Variants in MACROD2 observed in about 807,000 individuals in gnomAD.
MACROD2 encodes ADP-ribose glycohydrolase MACROD2.
Under a neutral mutation model 70.4 loss-of-function variants are expected in MACROD2, and 36 were observed. The ratio of observed to expected loss-of-function variants is 0.51; its 90% CI spans 0.39 to 0.68. The LOEUF (loss-of-function observed/expected upper bound fraction) is 0.68, where lower values mean the gene tolerates loss of function less well. MACROD2 is among the 30% of genes least tolerant of loss of function. The pLI is 0.00. For synonymous variants in MACROD2, 172 were observed against 178.8 expected (o/e 0.96, Z 0.30); for missense variants, 496 against 538.4 (o/e 0.92, Z 0.78).
intron 10 of MACROD2, among the ~76,000 whole-genome samples, chr20:15,904,408 C>G (rs1430617500): frequency 1.3e-5 from 2 of 152,184 alleles, no homozygotes; most frequent in Non-Finnish European, 2.9e-5. Context: ...AAAATATTGA[C>G]AAACAAGATA....
intron 5 of MACROD2, among the ~76,000 whole-genome samples, chr20:14,738,699 A>G (rs1458285966): frequency 6.6e-6 from 1 of 151,802 alleles, no homozygotes; most frequent in Non-Finnish European, 1.5e-5. Context: ...ATATATTAAC[A>G]TATAATCTAT....
At chr20:14,795,164 T>G (rs2072496064) in intron 5 of MACROD2, among the ~76,000 whole-genome samples, 1 of 152,060 alleles carries the variant, frequency 6.6e-6, no homozygotes, top group Non-Finnish European at 1.5e-5. Flanking sequence ...TAGGGCCCAG[T>G]AAACAGTTGG....
At chr20:14,758,479 A>G (rs2071971782) in intron 5 of MACROD2, among the ~76,000 whole-genome samples, 1 of 152,192 alleles carries the variant, frequency 6.6e-6, no homozygotes, top group Non-Finnish European at 1.5e-5. Context: ...GGTAATGCTC[A>G]GTACATTTCA....
chr20:14,849,996 A>C, intron 5 of MACROD2: 1 of 517,832 alleles, frequency 1.9e-6, no homozygotes, highest in South Asian at 1.4e-5. Context: ...AAATCTACCA[A>C]AGATTAAGTA....
intron 4 of MACROD2, among the ~76,000 whole-genome samples, chr20:14,568,253 G>A (rs1476759768): frequency 6.6e-6 from 1 of 151,990 alleles, no homozygotes. Flanking sequence ...ATATATTCAG[G>A]TTAGAGTTTG....
At chr20:14,474,324 T>G (rs1419091848) in intron 3 of MACROD2, among the ~76,000 whole-genome samples, 1 of 152,206 alleles carries the variant, frequency 6.6e-6, no homozygotes, top group African/African-American at 2.4e-5. Flanking sequence ...TATTTCATTG[T>G]GGCCAGAAAT....
intron 3 of MACROD2, among the ~76,000 whole-genome samples, chr20:14,218,739 A>G (rs1371757107): frequency 6.6e-6 from 1 of 152,142 alleles, no homozygotes; most frequent in Non-Finnish European, 1.5e-5. Context: ...GTAATGGCAA[A>G]TTCTCTCAGC....
At chr20:14,752,083 C>CTTT (rs11482637) in intron 5 of MACROD2, among the ~76,000 whole-genome samples, 4 of 126,848 alleles carry the variant, frequency 3.2e-5, no homozygotes, top group African/African-American at 8.8e-5. Flanking sequence ...ATCTCCTCAT[C>CTTT]TTTTTTTTTT....
Position 14,002,306 on chromosome 20 carries a change from C to T in MACROD2, c.65C>T (p.Thr22Ile). ...REEKERLLKM[T>I]LEERRKEYLR... ...TTGCAAGAACGTTTATTGAAGATGA[C>T]CTTAGAAGAGAGACGCAAAGAATAC... The change falls in exon 2 of 18, where the codon ACC becomes ATC. Residue 22 changes from threonine to isoleucine, a missense_variant. Coordinates refer to ENST00000684519, the MANE Select transcript of MACROD2 (RefSeq NM_001351661.2). 6.2e-7 allele frequency: 1 copy of T among 1,604,450 alleles called. No homozygotes were observed. The highest frequency in any genetic ancestry group is 1.3e-5 in the African/African-American group (1 of 74,496).
intron 6 of MACROD2, among the ~76,000 whole-genome samples, chr20:15,273,894 T>G (rs1317382174): frequency 6.6e-6 from 1 of 152,236 alleles, no homozygotes; most frequent in African/African-American, 2.4e-5. Flanking sequence ...CTGGAAATAC[T>G]AATACCTACC....
chr20:15,378,489 C>G (rs186342642), intron 6 of MACROD2, among the ~76,000 whole-genome samples: 3 of 151,894 alleles, frequency 2.0e-5, no homozygotes, highest in Non-Finnish European at 4.4e-5. Flanking sequence ...AAGATACTGA[C>G]GATTATAATA....
At chr20:15,901,233 C>T (rs1439192703) in intron 10 of MACROD2, among the ~76,000 whole-genome samples, 7 of 152,146 alleles carry the variant, frequency 4.6e-5, no homozygotes, top group Non-Finnish European at 1.0e-4. Flanking sequence ...GACTTTCTTC[C>T]AGTCTGTCTT....
At chr20:14,178,171 T>C (rs1302215446) in intron 3 of MACROD2, among the ~76,000 whole-genome samples, 1 of 151,966 alleles carries the variant, frequency 6.6e-6, no homozygotes, top group Non-Finnish European at 1.5e-5. Context: ...CTCTTAAAAA[T>C]GAAGAGGCAA....
chr20:15,805,438 G>C (rs942572283), intron 8 of MACROD2, among the ~76,000 whole-genome samples: 38 of 151,964 alleles, frequency 2.5e-4, no homozygotes, highest in Non-Finnish European at 5.0e-4. Context: ...AGAGAGGTTG[G>C]ATTAGTGGAG....
At chr20:14,495,311 G>A (rs140281625) in intron 4 of MACROD2, among the ~76,000 whole-genome samples, 36 of 152,212 alleles carry the variant, frequency 2.4e-4, no homozygotes, top group Admixed American at 1.2e-3. Context: ...TCAGGGTACA[G>A]GATGGCTGCT....
In MACROD2 at chr20:15,762,425, C is replaced by T. The variant is rs758342300; in HGVS notation, c.646-100320C>T. On this transcript the variant is annotated intron_variant, in intron 8 of 17. Transcript: ENST00000684519. ...TCAGATTAAAAGATGCATAGGTGGG[C>T]TCTGGTAGACAAATTACTAACCATT... Among the ~76,000 whole-genome samples, 3 of 152,180 alleles carry T rather than the reference C, an allele frequency of 2.0e-5. No homozygotes were observed. The South Asian group carries it at 6.2e-4, about 32-fold the overall frequency.
At chr20:14,720,810 G>C (rs1010698751) in intron 5 of MACROD2, among the ~76,000 whole-genome samples, 2 of 151,548 alleles carry the variant, frequency 1.3e-5, no homozygotes, top group Non-Finnish European at 2.9e-5. Flanking sequence ...CCTCAGCCCC[G>C]CAATGTGCTG....
intron 15 of MACROD2, among the ~76,000 whole-genome samples, chr20:16,016,372 A>G (rs924812584): frequency 1.7e-4 from 26 of 152,186 alleles, no homozygotes; most frequent in African/African-American, 5.8e-4. Flanking sequence ...CTGTTATGCA[A>G]GTGAGCAATA....
chr20:15,394,306 T>C (rs1758583130), intron 6 of MACROD2, among the ~76,000 whole-genome samples: 1 of 152,242 alleles, frequency 6.6e-6, no homozygotes, highest in Admixed American at 6.5e-5. Flanking sequence ...TTGGGTCTTT[T>C]CATATCAACT....
Sources: gnomAD v4.1 joint callset for allele counts (sites outside exome capture counted in the v4.1 genomes callset) on GRCh38, gnomAD v4.1.1 for gene constraint, MANE v1.5 for transcripts, NCBI Gene and HGNC (gene_info 2026-07-23, HGNC 2026-07-21) for gene names.